The following TOX variants were observed in gnomAD, a reference collection of about 807,000 sequenced individuals.
The protein encoded by TOX is thymocyte selection associated high mobility group box.
A neutral mutation model predicts 53.7 loss-of-function variants in TOX; 11 were observed. That is an observed-to-expected ratio of 0.20 (90% CI 0.13 to 0.34). The LOEUF (loss-of-function observed/expected upper bound fraction) is 0.34, where lower values mean the gene tolerates loss of function less well. Ranked by LOEUF, TOX falls within the 10% of genes least tolerant of loss-of-function variation. The pLI is 1.00. For missense variants in TOX, 570 were observed against 664.6 expected (o/e 0.86, Z 1.56); for synonymous variants, 225 against 245.3 (o/e 0.92, Z 0.77).
intron 3 of TOX, among the ~76,000 whole-genome samples, chr8:58,858,799 A>C (rs1412074314): frequency 1.3e-5 from 2 of 152,094 alleles, no homozygotes; most frequent in African/African-American, 4.8e-5. Context: ...CTTAAGAAAA[A>C]CTTCTGAGCC....
intron 3 of TOX, among the ~76,000 whole-genome samples, chr8:58,874,129 T>C (rs989751072): frequency 4.6e-5 from 7 of 151,972 alleles, no homozygotes; most frequent in Non-Finnish European, 8.8e-5. Context: ...TTAATCCATC[T>C]GTGCCTGGTA....
chr8:58,952,023 G>A (rs532895687), intron 2 of TOX, among the ~76,000 whole-genome samples: 1 of 152,298 alleles, frequency 6.6e-6, no homozygotes, highest in South Asian at 2.1e-4. Flanking sequence ...CCCTCTTTGT[G>A]TTTCTGGGAA....
chr8:58,950,809 T>C (rs1033854647), intron 2 of TOX, among the ~76,000 whole-genome samples: 5 of 151,146 alleles, frequency 3.3e-5, no homozygotes, highest in African/African-American at 9.7e-5. Flanking sequence ...AGTAGTGGAG[T>C]GTGGAGGGAA....
intron 6 of TOX, among the ~76,000 whole-genome samples, chr8:58,820,725 C>G (rs1041456383): frequency 9.9e-5 from 15 of 152,126 alleles, no homozygotes; most frequent in African/African-American, 3.6e-4. Flanking sequence ...GGCTCATAAA[C>G]TTTTCCTGAC....
At chr8:59,011,332 G>A (rs974528906) in intron 1 of TOX, among the ~76,000 whole-genome samples, 26 of 152,298 alleles carry the variant, frequency 1.7e-4, no homozygotes, top group African/African-American at 6.3e-4. Context: ...TTTTCTGTGT[G>A]GAAGATCCCT....
chr8:58,869,225 C>CAA (rs59540993), intron 3 of TOX, among the ~76,000 whole-genome samples: 1,436 of 90,616 alleles, frequency 0.016, 64 homozygotes, highest in African/African-American at 0.045. Flanking sequence ...GACTGCGTCT[C>CAA]AAAAAAAAAA....
At chr8:58,985,191 C>T (rs1813304210) in intron 1 of TOX, among the ~76,000 whole-genome samples, 1 of 151,218 alleles carries the variant, frequency 6.6e-6, no homozygotes, top group African/African-American at 2.4e-5. Flanking sequence ...ATATCATACT[C>T]ATGTCCATAG....
chr8:58,987,908 T>C (rs1391794689), intron 1 of TOX, among the ~76,000 whole-genome samples: 1 of 152,134 alleles, frequency 6.6e-6, no homozygotes, highest in Non-Finnish European at 1.5e-5. Context: ...AGCATTTCCT[T>C]TGAAAGATAT....
intron 1 of TOX, among the ~76,000 whole-genome samples, chr8:58,988,699 A>T (rs1813384069): frequency 6.6e-6 from 1 of 152,256 alleles, no homozygotes; most frequent in African/African-American, 2.4e-5. Context: ...TAATGTAATA[A>T]TAATAAAGCT....
At chr8:58,955,357 C>T (rs149604904) in intron 2 of TOX, among the ~76,000 whole-genome samples, 7 of 150,262 alleles carry the variant, frequency 4.7e-5, no homozygotes, top group Admixed American at 2.7e-4. Context: ...TAACCGTTCA[C>T]GGAAAGAAGA....
At chr8:59,098,707 G>A (rs1478114992) in intron 1 of TOX, among the ~76,000 whole-genome samples, 2 of 152,148 alleles carry the variant, frequency 1.3e-5, no homozygotes, top group African/African-American at 2.4e-5. Context: ...TGTTTGGCTT[G>A]CTCCTTCAGG....
intron 1 of TOX, among the ~76,000 whole-genome samples, chr8:59,047,203 G>GTTTTTTTTTTT (rs10551461): frequency 4.5e-5 from 2 of 44,674 alleles, no homozygotes; most frequent in African/African-American, 9.0e-5. Flanking sequence ...ACCAAGAATT[G>GTTTTTTTTTTT]TTTTTTTTTT....
chr8:58,910,113 G>C (rs2129173803), intron 3 of TOX, among the ~76,000 whole-genome samples: 1 of 152,146 alleles, frequency 6.6e-6, no homozygotes, highest in African/African-American at 2.4e-5. Context: ...GCCATGCATT[G>C]GTACAGTAAT....
intron 1 of TOX, among the ~76,000 whole-genome samples, chr8:59,032,915 C>T (rs1585976543): frequency 1.3e-5 from 2 of 151,808 alleles, no homozygotes; most frequent in East Asian, 1.9e-4. Context: ...ACCTGTAATC[C>T]CAGCTACTTG....
Position 59,068,991 on chromosome 8 carries a change from A to C in TOX, c.102+49895T>G, listed in dbSNP as rs367613087. ...AGTCAGGCACAAGTAGGCTGTGTGA[A>C]TTCACGATGGATTGAAACAGCAAGG... On this transcript the variant is annotated intron_variant, in intron 1 of 8. Transcript: ENST00000361421. Among the ~76,000 whole-genome samples the C allele has an allele frequency of 2.6e-4, 39 of 152,312 alleles. 1 individual carries two copies. The East Asian group carries it at 7.3e-3, about 29-fold the overall frequency.
At chr8:58,882,761 G>C (rs147571802) in intron 3 of TOX, among the ~76,000 whole-genome samples, 1 of 152,240 alleles carries the variant, frequency 6.6e-6, no homozygotes, top group South Asian at 2.1e-4. Context: ...CACAGCACAG[G>C]CTTGACAAAT....
At chr8:59,111,310 C>T (rs559093390) in intron 1 of TOX, among the ~76,000 whole-genome samples, 2 of 152,234 alleles carry the variant, frequency 1.3e-5, no homozygotes, top group East Asian at 3.9e-4. Context: ...GTTCTTTAGT[C>T]TTATTAGGAT....
chr8:59,045,991 C>T (rs1803674672), intron 1 of TOX, among the ~76,000 whole-genome samples: 1 of 152,212 alleles, frequency 6.6e-6, no homozygotes, highest in Non-Finnish European at 1.5e-5. Context: ...TGATATTGCC[C>T]TTCTCCTGCA....
At chr8:58,881,914 A>G (rs915606131) in intron 3 of TOX, among the ~76,000 whole-genome samples, 3 of 152,214 alleles carry the variant, frequency 2.0e-5, no homozygotes, top group African/African-American at 7.2e-5. Context: ...ACTTTTTCTC[A>G]GAGGAGGAAA....
Sources: gnomAD v4.1 joint callset for allele counts (sites outside exome capture counted in the v4.1 genomes callset) on GRCh38, gnomAD v4.1.1 for gene constraint, MANE v1.5 for transcripts, NCBI Gene and HGNC (gene_info 2026-07-23, HGNC 2026-07-21) for gene names.